The following GALNTL6 variants were observed in gnomAD, a reference collection of about 807,000 sequenced individuals.
GALNTL6 encodes polypeptide N-acetylgalactosaminyltransferase like 6.
Under a neutral mutation model 73.7 loss-of-function variants are expected in GALNTL6, and 46 were observed. That is an observed-to-expected ratio of 0.62 (90% CI 0.49 to 0.80). The LOEUF (loss-of-function observed/expected upper bound fraction) is 0.80. GALNTL6 is among the 30% of genes least tolerant of loss of function. GALNTL6 has a pLI of 0.00. For missense variants in GALNTL6, 604 were observed against 755.0 expected, an observed-to-expected ratio of 0.80 and a Z score of 2.34; for synonymous variants, 259 against 263.7, an observed-to-expected ratio of 0.98 and a Z score of 0.17.
At chr4:172,690,776 T>C (rs576827707) in intron 5 of GALNTL6, among the ~76,000 whole-genome samples, 1 of 152,340 alleles carries the variant, frequency 6.6e-6, no homozygotes, top group African/African-American at 2.4e-5. Flanking sequence ...AACCAAACCA[T>C]AGCATTCCCC....
chr4:172,241,638 G>A (rs577452263), intron 3 of GALNTL6, among the ~76,000 whole-genome samples: 10 of 152,294 alleles, frequency 6.6e-5, no homozygotes, highest in Admixed American at 6.5e-4. Context: ...GGACCAGGAA[G>A]GCTTCCAAAG....
At chr4:171,872,848 A>AGGACTCCAACATGTCATTTTTGGG (rs1346297296) in intron 2 of GALNTL6, among the ~76,000 whole-genome samples, 1 of 152,220 alleles carries the variant, frequency 6.6e-6, no homozygotes, top group Non-Finnish European at 1.5e-5. Flanking sequence ...ACTGGATGTT[A>AGGACTCCAACATGTCATTTTTGGG]GGACTCCAAC....
chr4:172,761,021 C>T (rs746201536), intron 5 of GALNTL6, among the ~76,000 whole-genome samples: 10 of 152,146 alleles, frequency 6.6e-5, no homozygotes, highest in Non-Finnish European at 1.0e-4. Context: ...CCTGATTAGG[C>T]AACTTTGGAG....
intron 8 of GALNTL6, among the ~76,000 whole-genome samples, chr4:172,923,528 G>A (rs527869441): frequency 1.3e-5 from 2 of 152,230 alleles, no homozygotes; most frequent in South Asian, 4.2e-4. Flanking sequence ...AAATACGCAG[G>A]TAGAATAAGT....
At chr4:173,008,406 C>T (rs1172836741) in intron 10 of GALNTL6, among the ~76,000 whole-genome samples, 27 of 152,222 alleles carry the variant, frequency 1.8e-4, no homozygotes, top group Admixed American at 1.8e-3. Flanking sequence ...ATTCTTTGCC[C>T]CAACCAGCTG....
intron 2 of GALNTL6, among the ~76,000 whole-genome samples, chr4:172,226,420 T>C (rs1223033924): frequency 3.3e-5 from 5 of 152,238 alleles, no homozygotes; most frequent in Non-Finnish European, 4.4e-5. Flanking sequence ...TTTTATACAT[T>C]GTTTTTGTTT....
intron 2 of GALNTL6, among the ~76,000 whole-genome samples, chr4:172,099,267 G>A (rs919340679): frequency 1.3e-5 from 2 of 152,110 alleles, no homozygotes; most frequent in Non-Finnish European, 2.9e-5. Context: ...CAGGGGAATG[G>A]GTGAGGAGTT....
intron 2 of GALNTL6, among the ~76,000 whole-genome samples, chr4:171,982,285 T>C (rs780800223): frequency 7.1e-5 from 8 of 112,432 alleles, no homozygotes; most frequent in Non-Finnish European, 1.5e-4. Flanking sequence ...TAGACGAAAG[T>C]ATTTTGTTTG....
At chr4:172,462,669 T>A (rs1732660960) in intron 5 of GALNTL6, among the ~76,000 whole-genome samples, 1 of 152,010 alleles carries the variant, frequency 6.6e-6, no homozygotes, top group Admixed American at 6.6e-5. Flanking sequence ...GTTTCAAGAG[T>A]ACTGGATTAT....
intron 10 of GALNTL6, among the ~76,000 whole-genome samples, chr4:172,993,409 G>C (rs1344568960): frequency 6.6e-6 from 1 of 152,226 alleles, no homozygotes; most frequent in Admixed American, 6.5e-5. Flanking sequence ...CTAATCTGTG[G>C]TATTTTGTTA....
intron 5 of GALNTL6, among the ~76,000 whole-genome samples, chr4:172,700,929 C>T (rs943461885): frequency 3.3e-5 from 5 of 152,022 alleles, no homozygotes; most frequent in African/African-American, 9.7e-5. Context: ...CTGTTAACCC[C>T]GTTTATTTCC....
chr4:172,458,068 AC>A (rs1579089526), intron 5 of GALNTL6, among the ~76,000 whole-genome samples: 1 of 152,076 alleles, frequency 6.6e-6, no homozygotes, highest in African/African-American at 2.4e-5. Flanking sequence ...TAAGAAACTC[AC>A]TCAAAACCAC....
At chr4:172,750,743 CAAA>C in intron 5 of GALNTL6, among the ~76,000 whole-genome samples, 1 of 152,256 alleles carries the variant, frequency 6.6e-6, no homozygotes, top group Non-Finnish European at 1.5e-5. Flanking sequence ...TTGGAAAACT[CAAA>C]AGAAGAAGGA....
chr4:172,953,378 G>C (rs1240396138), intron 10 of GALNTL6, among the ~76,000 whole-genome samples: 1 of 152,208 alleles, frequency 6.6e-6, no homozygotes, highest in East Asian at 1.9e-4. Context: ...AATGCATGAA[G>C]GCTAGATGTT....
At chr4:172,545,208 G>T (rs1038837456) in intron 5 of GALNTL6, among the ~76,000 whole-genome samples, 2 of 152,054 alleles carry the variant, frequency 1.3e-5, no homozygotes, top group Admixed American at 6.6e-5. Flanking sequence ...GGGTGGGGGG[G>T]TAACTAAGGC....
chr4:171,881,441 G>A (rs1294562017), intron 2 of GALNTL6, among the ~76,000 whole-genome samples: 1 of 152,086 alleles, frequency 6.6e-6, no homozygotes, highest in Non-Finnish European at 1.5e-5. Flanking sequence ...GGCTAGGCCA[G>A]TCTCTCTCTT....
At chr4:171,931,511 T>C (rs1176518368) in intron 2 of GALNTL6, among the ~76,000 whole-genome samples, 1 of 152,230 alleles carries the variant, frequency 6.6e-6, no homozygotes, top group African/African-American at 2.4e-5. Flanking sequence ...CATATGATAG[T>C]CACTTTCCTG....
At chr4:172,518,091 CT>C (rs898293140) in intron 5 of GALNTL6, among the ~76,000 whole-genome samples, 8 of 150,696 alleles carry the variant, frequency 5.3e-5, no homozygotes, top group South Asian at 2.1e-4. Context: ...ATCGTGCTTT[CT>C]TTTTTTTTCA....
chr4:172,735,206 C>A (rs1301984587), intron 5 of GALNTL6, among the ~76,000 whole-genome samples: 1 of 152,168 alleles, frequency 6.6e-6, no homozygotes, highest in Admixed American at 6.5e-5. Flanking sequence ...TGAAAGCAAC[C>A]AGGAGGTGCT....
Sources: allele counts gnomAD v4.1 joint callset (sites outside exome capture counted in the v4.1 genomes callset), GRCh38; gene constraint gnomAD v4.1.1; transcripts MANE v1.5; gene names NCBI Gene and HGNC (gene_info 2026-07-23, HGNC 2026-07-21).